The following CUX1 variants were observed in gnomAD, a reference collection of about 807,000 sequenced individuals.
CUX1 encodes the protein cut like homeobox 1.
In CUX1, 31 loss-of-function variants were observed where a neutral mutation model predicts 158.8. The observed-to-expected ratio is 0.20, with a 90% CI of 0.15 to 0.26. The LOEUF (loss-of-function observed/expected upper bound fraction) is 0.26. CUX1 is among the 10% of genes least tolerant of loss of function. CUX1 has a pLI of 1.00. For synonymous variants in CUX1, 879 were observed against 862.1 expected, an observed-to-expected ratio of 1.02 and a Z score of -0.34; for missense variants, 1,589 against 2,014.6, an observed-to-expected ratio of 0.79 and a Z score of 4.04.
chr7:102,132,629 C>G (rs1563289032), intron 8 of CUX1, among the ~76,000 whole-genome samples: 1 of 151,028 alleles, frequency 6.6e-6, no homozygotes, highest in African/African-American at 2.4e-5. Flanking sequence ...ACATTCCCAA[C>G]TTCATCACCA....
intron 3 of CUX1, among the ~76,000 whole-genome samples, chr7:102,060,911 CTTTTTT>C (rs1039443388): frequency 2.5e-5 from 2 of 79,464 alleles, no homozygotes; most frequent in South Asian, 4.1e-4. Flanking sequence ...CGCGCCTGGC[CTTTTTT>C]TTTTTTTTTT....
intron 1 of CUX1, among the ~76,000 whole-genome samples, chr7:101,855,345 A>G (rs1226849088): frequency 6.6e-6 from 1 of 152,176 alleles, no homozygotes; most frequent in Non-Finnish European, 1.5e-5. Context: ...CAGGGGGACC[A>G]TGAGGTGAGG....
chr7:101,998,061 TG>T (rs1323527112), intron 2 of CUX1, among the ~76,000 whole-genome samples: 2 of 152,156 alleles, frequency 1.3e-5, no homozygotes, highest in African/African-American at 4.8e-5. Flanking sequence ...AGTGTGGAAC[TG>T]TGTATCCTGC....
In CUX1 at chr7:102,230,031, T is replaced by G. The variant is rs146263346; in HGVS notation, c.3433+2362T>G. On this transcript the variant is annotated intron_variant, in intron 21 of 23. Coordinates refer to ENST00000292535, the MANE Select transcript of CUX1 (RefSeq NM_181552.4). ...TGGAAACCCACCCTTTCTATCTTTA[T>G]TTCCCAAGGGTGAAAGTCAGTTAAA... is the stretch of plus-strand genomic sequence containing the variant. Among the ~76,000 whole-genome samples the G allele has an allele frequency of 1.6e-3, 242 of 152,318 alleles. 2 individuals are homozygous for G. Among genetic ancestry groups the G allele is most frequent in the African/African-American group, 5.7e-3 (238 of 41,576 alleles).
chr7:101,911,681 G>A (rs1238344970), intron 1 of CUX1, among the ~76,000 whole-genome samples: 1 of 152,276 alleles, frequency 6.6e-6, no homozygotes, highest in Non-Finnish European at 1.5e-5. Context: ...AAGCTCTTCT[G>A]TGCAAGGGTG....
chr7:102,040,449 A>G (rs1362255779), intron 3 of CUX1, among the ~76,000 whole-genome samples: 2 of 152,202 alleles, frequency 1.3e-5, no homozygotes, highest in African/African-American at 4.8e-5. Flanking sequence ...AGGGCCTTGT[A>G]GGCAGAACCC....
chr7:102,124,536 G>T (rs959238071), intron 8 of CUX1, among the ~76,000 whole-genome samples: 7 of 152,204 alleles, frequency 4.6e-5, no homozygotes, highest in Non-Finnish European at 1.0e-4. Context: ...CAACAACAAC[G>T]TGGATTCATC....
intron 2 of CUX1, among the ~76,000 whole-genome samples, chr7:101,956,875 G>A (rs1022735437): frequency 6.6e-6 from 1 of 152,192 alleles, no homozygotes; most frequent in Admixed American, 6.5e-5. Flanking sequence ...CTTGAGCCAG[G>A]GAGGTCGAGG....
At chr7:102,279,988 C>A in intron 18 of CUX1, 1 of 1,292,718 alleles carries the variant, frequency 7.7e-7, no homozygotes, top group Non-Finnish European at 1.1e-6. Context: ...GCCCTTCCCG[C>A]TGGGCCCCAA....
intron 6 of CUX1, 135 bp from the exon 7 acceptor site, chr7:102,111,563 C>G: frequency 1.4e-6 from 1 of 727,572 alleles, no homozygotes; most frequent in Non-Finnish European, 2.4e-6. Context: ...GCACACGTGT[C>G]GTTGCGGGCG....
chr7:102,067,934 T>C (rs1212380831), intron 3 of CUX1, among the ~76,000 whole-genome samples: 1 of 151,584 alleles, frequency 6.6e-6, no homozygotes, highest in African/African-American at 2.4e-5. Context: ...GGCAGGAGAA[T>C]TGTTTGAACC....
intron 1 of CUX1, among the ~76,000 whole-genome samples, chr7:101,825,806 C>CGCGT (rs1562891139): frequency 7.5e-6 from 1 of 133,704 alleles, no homozygotes; most frequent in Admixed American, 7.3e-5. Flanking sequence ...TGTGCGCGCG[C>CGCGT]GCGCGCAGTT....
chr7:101,969,326 C>A (rs1428880926), intron 2 of CUX1, among the ~76,000 whole-genome samples: 5 of 141,752 alleles, frequency 3.5e-5, no homozygotes, highest in African/African-American at 8.0e-5. Flanking sequence ...CAGAGCAAGA[C>A]CCTGTCTCAA....
At position 102,252,503 on chromosome 7, in the gene CUX1, A is replaced by T. The variant is rs1801624215; in HGVS notation, c.*3461A>T. 1.0e-6 allele frequency: 1 copy of T among 985,386 alleles called. No homozygotes were observed. Among genetic ancestry groups the T allele is most frequent in the South Asian group, 4.7e-5 (1 of 21,298 alleles). 61.0% of individuals were successfully genotyped at this position (985,386 alleles called of 1,614,324 possible). A position where few individuals can be genotyped will look rare whatever the true frequency, so the allele number is the denominator to read the frequency against. On this transcript the variant is annotated 3_prime_UTR_variant, in exon 24 of 24. Coordinates refer to ENST00000292535, the MANE Select transcript of CUX1 (RefSeq NM_181552.4). ...ATTACAAGCTCCATTATGCCATTTTAAATGGCTTCTTTTTGTTAATTGGAG... is the reference window on the plus strand; with the variant it reads ...ATTACAAGCTCCATTATGCCATTTTTAATGGCTTCTTTTTGTTAATTGGAG...
chr7:102,239,481 G>A lies in CUX1; in HGVS notation c.3784G>A (p.Ala1262Thr). 6.2e-7 allele frequency: 1 copy of A among 1,614,174 alleles called. No individual in the cohort carries two copies. Among genetic ancestry groups the A allele is most frequent in the Non-Finnish European group, 8.5e-7 (1 of 1,180,004 alleles). The change falls in exon 23 of 24, where the codon GCG becomes ACG. Residue 1262 changes from alanine to threonine, a missense_variant. This residue lies in a region of CUX1 where 259 missense variants were observed against 373.8 expected (regional missense o/e 0.69). Coordinates refer to ENST00000292535, the MANE Select transcript of CUX1 (RefSeq NM_181552.4). ...GGAGGAGAAGGAGGCGCTGAAACGA[G>A]CGTATCAGCAAAAGCCATACCCGTC... ...APEEKEALKR[A>T]YQQKPYPSPK...
At chr7:102,188,794 A>C (rs1021224017) in intron 11 of CUX1, 1 of 150,674 alleles carries the variant, frequency 6.6e-6, no homozygotes, top group Non-Finnish European at 1.5e-5. Flanking sequence ...CAGCCTAGGC[A>C]ACAGAGCGAG....
At chr7:101,999,175 T>G (rs1816360723) in intron 2 of CUX1, among the ~76,000 whole-genome samples, 1 of 150,130 alleles carries the variant, frequency 6.7e-6, no homozygotes, top group South Asian at 2.1e-4. Flanking sequence ...TCGCCTCCAC[T>G]CTCTAGGGAT....
At chr7:102,167,267 CAA>C (rs562023948) in intron 9 of CUX1, among the ~76,000 whole-genome samples, 15 of 121,672 alleles carry the variant, frequency 1.2e-4, no homozygotes, top group Admixed American at 8.6e-5. Flanking sequence ...GACTCTGTAT[CAA>C]AAAAAAAAAA....
Position 102,205,136 on chromosome 7 carries a change from C to A in CUX1, c.3096C>A (p.Leu1032=), listed in dbSNP as rs782436701. Residue 1032 remains leucine, a synonymous_variant, in exon 20 of 24, where the codon CTC becomes CTA. Transcript: ENST00000292535. Reference sequence around the variant, plus strand: ...TAGTCCTCCACTCCGTGACATCGCTCCAGGACCCGCTGCAGCAGGGCTGTG... The same window carrying A: ...TAGTCCTCCACTCCGTGACATCGCTACAGGACCCGCTGCAGCAGGGCTGTG... The part of the protein sequence containing the change: ...QGPVLHSVTS[L]QDPLQQGCVS... 1 of 1,611,938 alleles carries A rather than the reference C, an allele frequency of 6.2e-7. No homozygotes were observed. The highest frequency in any genetic ancestry group is 1.1e-5 in the South Asian group (1 of 90,994).
Sources: allele counts gnomAD v4.1 joint callset (sites outside exome capture counted in the v4.1 genomes callset), GRCh38; gene constraint gnomAD v4.1.1; regional missense constraint gnomAD v4.1.1; transcripts MANE v1.5; gene names NCBI Gene and HGNC (gene_info 2026-07-23, HGNC 2026-07-21).